The following SEPTIN11 variants were observed in gnomAD, a reference collection of about 807,000 sequenced individuals.
SEPTIN11 encodes septin-11.
In SEPTIN11, 25 loss-of-function variants were observed where a neutral mutation model predicts 51.4. The observed-to-expected ratio is 0.49, with a 90% CI of 0.35 to 0.68. The LOEUF is 0.68. Ranked by LOEUF, SEPTIN11 falls within the 30% of genes least tolerant of loss-of-function variation. SEPTIN11 has a pLI of 0.00. For missense variants in SEPTIN11, 381 were observed against 520.8 expected (o/e 0.73, Z 2.61); for synonymous variants, 174 against 184.1 (o/e 0.95, Z 0.44).
At chr4:76,991,030 A>G (rs1723348390) in intron 1 of SEPTIN11, among the ~76,000 whole-genome samples, 1 of 151,948 alleles carries the variant, frequency 6.6e-6, no homozygotes, top group South Asian at 2.1e-4. Flanking sequence ...CTTTATTTTT[A>G]TTGTGATTTT....
chr4:77,017,803 G>T (rs1026115268), intron 5 of SEPTIN11, among the ~76,000 whole-genome samples: 3 of 152,180 alleles, frequency 2.0e-5, no homozygotes, highest in African/African-American at 7.2e-5. Flanking sequence ...AAAAAGATAG[G>T]ATTATTATTT....
At chr4:76,962,672 G>A (rs1170648163) in intron 1 of SEPTIN11, among the ~76,000 whole-genome samples, 2 of 152,174 alleles carry the variant, frequency 1.3e-5, no homozygotes, top group African/African-American at 4.8e-5. Context: ...GAGATAAAAG[G>A]ACATTGGAAA....
intron 9 of SEPTIN11, 29 bp downstream of exon 9, chr4:77,030,999 G>A (rs755390888): frequency 1.3e-6 from 2 of 1,573,060 alleles, no homozygotes; most frequent in Admixed American, 4.2e-5. Context: ...CCTGTATCGG[G>A]GACCTCTAAC....
intron 1 of SEPTIN11, among the ~76,000 whole-genome samples, chr4:76,993,429 T>G (rs910335249): frequency 1.3e-5 from 2 of 151,404 alleles, no homozygotes; most frequent in Non-Finnish European, 2.9e-5. Context: ...TGCAGTTCCC[T>G]GAAACTGGGC....
chr4:77,010,249 G>A (rs1724767859), intron 3 of SEPTIN11, among the ~76,000 whole-genome samples: 1 of 152,120 alleles, frequency 6.6e-6, no homozygotes. Context: ...CTAGTAAGTT[G>A]TGCGGCTGTA....
intron 1 of SEPTIN11, among the ~76,000 whole-genome samples, chr4:76,983,851 T>C (rs1189902210): frequency 6.6e-6 from 1 of 151,894 alleles, no homozygotes; most frequent in Non-Finnish European, 1.5e-5. Context: ...CTACTAAAAA[T>C]ACAAAAATTA....
chr4:76,999,465 AT>A (rs1414312855), intron 2 of SEPTIN11, among the ~76,000 whole-genome samples: 1 of 152,040 alleles, frequency 6.6e-6, no homozygotes, highest in Non-Finnish European at 1.5e-5. Flanking sequence ...GCCCATTTGT[AT>A]TTTTTTGCAC....
rs551468871 is a variant in SEPTIN11 at position 76,954,189 on chromosome 4, G to A, written c.27+4259G>A. ...TGTTTATATTCTACCCAATGATGAT[G>A]TCACACTGATCATGATCATCGGATT... On this transcript the variant is annotated intron_variant, in intron 1 of 9. Coordinates refer to ENST00000264893, the MANE Select transcript of SEPTIN11 (RefSeq NM_018243.4). Among the ~76,000 whole-genome samples, 6 of 152,318 alleles carry A rather than the reference G, an allele frequency of 3.9e-5. No individual in the cohort carries two copies. In the East Asian group the frequency reaches 1.2e-3, roughly 29 times the overall value.
At chr4:77,005,053 C>G (rs1724387893) in intron 2 of SEPTIN11, among the ~76,000 whole-genome samples, 1 of 152,140 alleles carries the variant, frequency 6.6e-6, no homozygotes, top group South Asian at 2.1e-4. Context: ...ACAAAGTGAG[C>G]ACTCAGTGAT....
chr4:77,023,269 TACACACACACACACAC>T (rs61693678), intron 7 of SEPTIN11, among the ~76,000 whole-genome samples: 9 of 139,254 alleles, frequency 6.5e-5, no homozygotes, highest in East Asian at 2.1e-4. Flanking sequence ...GGAAAATGTA[TACACACACACACACAC>T]ACACACACAC....
rs572645643 is a variant in SEPTIN11, at chr4:77,001,653, A to G, written c.143-3948A>G. Among the ~76,000 whole-genome samples the G allele has an allele frequency of 8.5e-5, 13 of 152,250 alleles. No homozygotes were observed. The South Asian group carries it at 2.5e-3, about 29-fold the overall frequency. The stretch of plus-strand genomic sequence containing the variant: ...GCGTGAGCCACCGTGCCTGGCCTGC[A>G]ATTAACTTTTAATAAATGTCTCCTT... On this transcript the variant is annotated intron_variant, in intron 2 of 9. Coordinates refer to ENST00000264893, the MANE Select transcript of SEPTIN11 (RefSeq NM_018243.4).
At position 77,036,891 on chromosome 4, in the gene SEPTIN11, G is replaced by C. The variant is rs944287992; in HGVS notation, c.*2379G>C. 3 of 1,391,600 alleles carry C rather than the reference G, an allele frequency of 2.2e-6. No individual in the cohort carries two copies. The highest frequency in any genetic ancestry group is 1.9e-4 in the Middle Eastern group (1 of 5,404). 86.2% of individuals were successfully genotyped at this position (1,391,600 alleles called of 1,614,324 possible). On this transcript the variant is annotated 3_prime_UTR_variant, in exon 10 of 10. Transcript: ENST00000264893. ...ATCTTTCTGACTTTTCAAAATTAGA[G>C]AAAGCAAATGGGATGGATAGATTTT... is the stretch of plus-strand genomic sequence containing the variant.
At chr4:76,954,742 G>A (rs1029156128) in intron 1 of SEPTIN11, among the ~76,000 whole-genome samples, 8 of 152,154 alleles carry the variant, frequency 5.3e-5, no homozygotes, top group East Asian at 1.9e-4. Context: ...TTTTAGGATC[G>A]ACGCCAATGA....
chr4:76,971,291 T>C (rs956352258), intron 1 of SEPTIN11, among the ~76,000 whole-genome samples: 1 of 152,212 alleles, frequency 6.6e-6, no homozygotes, highest in Admixed American at 6.5e-5. Flanking sequence ...ATTATATGCA[T>C]TTTACAAGTA....
At chr4:77,033,765 A>G (rs376384973) in intron 9 of SEPTIN11, among the ~76,000 whole-genome samples, 2 of 152,164 alleles carry the variant, frequency 1.3e-5, no homozygotes, top group East Asian at 1.9e-4. Context: ...TTAAAACCAT[A>G]CTTGGCATCT....
chr4:77,003,540 A>G (rs541762801), intron 2 of SEPTIN11, among the ~76,000 whole-genome samples: 1 of 152,314 alleles, frequency 6.6e-6, no homozygotes, highest in South Asian at 2.1e-4. Flanking sequence ...ATGGTTGACT[A>G]AAGAGGAAAT....
At chr4:76,991,005 ATTTC>A (rs1264269027) in intron 1 of SEPTIN11, among the ~76,000 whole-genome samples, 11 of 151,926 alleles carry the variant, frequency 7.2e-5, no homozygotes, top group Admixed American at 7.2e-4. Context: ...CTCGTTTTTT[ATTTC>A]TTTCTGTTCA....
chr4:76,991,693 C>T (rs1181734453), intron 1 of SEPTIN11, among the ~76,000 whole-genome samples: 1 of 152,196 alleles, frequency 6.6e-6, no homozygotes, highest in Non-Finnish European at 1.5e-5. Context: ...AAAACTACTT[C>T]TCCTCCATGC....
chr4:76,990,529 G>A (rs1402391813), intron 1 of SEPTIN11, among the ~76,000 whole-genome samples: 8 of 152,140 alleles, frequency 5.3e-5, no homozygotes, highest in Non-Finnish European at 1.2e-4. Context: ...CCTGAGTTCT[G>A]CCTCCTTCAG....
Sources: allele counts gnomAD v4.1 joint callset (sites outside exome capture counted in the v4.1 genomes callset), GRCh38; gene constraint gnomAD v4.1.1; transcripts MANE v1.5; gene names NCBI Gene and HGNC (gene_info 2026-07-23, HGNC 2026-07-21).